The following FCHSD2 variants were observed in gnomAD, a reference collection of about 807,000 sequenced individuals.
FCHSD2 encodes FCH and double SH3 domains 2, also known as F-BAR and double SH3 domains protein 2.
Under a neutral mutation model 108.1 loss-of-function variants are expected in FCHSD2, and 38 were observed. The observed-to-expected ratio is 0.35, with a 90% CI of 0.27 to 0.46. FCHSD2 has a LOEUF of 0.46. FCHSD2 is among the 20% of genes least tolerant of loss of function. FCHSD2 has a pLI of 1.00. For synonymous variants in FCHSD2, 279 were observed against 314.7 expected, an observed-to-expected ratio of 0.89 and a Z score of 1.20; for missense variants, 751 against 897.8, an observed-to-expected ratio of 0.84 and a Z score of 2.09.
intron 13 of FCHSD2, among the ~76,000 whole-genome samples, chr11:72,856,379 T>C (rs753951507): frequency 6.6e-6 from 1 of 152,212 alleles, no homozygotes; most frequent in Non-Finnish European, 1.5e-5. Context: ...TGAGTAATTA[T>C]CACTGAAGTT....
rs72981540 is a variant in FCHSD2, at chr11:72,976,046, C to A, written c.705+8042G>T. On this transcript the variant is annotated intron_variant, in intron 8 of 19. Transcript: ENST00000409418. Reference sequence around the variant, plus strand: ...AACATGTGAGGAACAAATTATCTCACCACAAACCAGCTGAGTTGATTTCTG... The same window carrying A: ...AACATGTGAGGAACAAATTATCTCAACACAAACCAGCTGAGTTGATTTCTG... Among the ~76,000 whole-genome samples the A allele has an allele frequency of 7.7e-3, 1,179 of 152,294 alleles. 13 individuals carry two copies. The highest frequency in any genetic ancestry group is 0.027 in the African/African-American group (1,118 of 41,548).
intron 5 of FCHSD2, among the ~76,000 whole-genome samples, chr11:72,999,906 C>T (rs1052266156): frequency 6.6e-6 from 1 of 151,862 alleles, no homozygotes; most frequent in Non-Finnish European, 1.5e-5. Context: ...CACACACACA[C>T]TTTCTTCCAA....
chr11:73,004,314 T>A (rs940924550), intron 4 of FCHSD2, among the ~76,000 whole-genome samples: 1 of 152,140 alleles, frequency 6.6e-6, no homozygotes, highest in African/African-American at 2.4e-5. Context: ...TTTCTAAGGC[T>A]ACTCACCAGG....
At chr11:73,107,239 G>T (rs567857546) in intron 2 of FCHSD2, among the ~76,000 whole-genome samples, 7 of 152,138 alleles carry the variant, frequency 4.6e-5, no homozygotes, top group African/African-American at 1.7e-4. Flanking sequence ...ATTTTTAGTA[G>T]AGACAGGGTT....
chr11:72,931,180 T>G (rs1856183447), intron 8 of FCHSD2, among the ~76,000 whole-genome samples: 1 of 149,920 alleles, frequency 6.7e-6, no homozygotes, highest in Non-Finnish European at 1.5e-5. Context: ...CTGCAACCTC[T>G]GCCTCCCGGG....
intron 8 of FCHSD2, among the ~76,000 whole-genome samples, chr11:72,923,475 G>T (rs984724708): frequency 6.6e-6 from 1 of 151,822 alleles, no homozygotes; most frequent in African/African-American, 2.4e-5. Flanking sequence ...TTGTATTTTG[G>T]TATTTTTTTT....
At chr11:72,957,019 CT>C (rs76815220) in intron 8 of FCHSD2, among the ~76,000 whole-genome samples, 133,790 of 145,870 alleles carry the variant, frequency 0.92, 61,990 homozygotes, top group East Asian at 1. Flanking sequence ...GGACTCTAGT[CT>C]TTTTTTTTTT....
At chr11:72,958,195 C>T in intron 8 of FCHSD2, among the ~76,000 whole-genome samples, 1 of 152,074 alleles carries the variant, frequency 6.6e-6, no homozygotes, top group East Asian at 1.9e-4. Context: ...CAGAGGAAAA[C>T]CTTTGGAGCT....
chr11:73,139,099 C>T (rs1861187603), intron 2 of FCHSD2, among the ~76,000 whole-genome samples: 1 of 152,008 alleles, frequency 6.6e-6, no homozygotes, highest in South Asian at 2.1e-4. Flanking sequence ...GCTTATAGTG[C>T]CTAAATATAG....
At chr11:72,917,963 C>G (rs1855908282) in intron 9 of FCHSD2, among the ~76,000 whole-genome samples, 1 of 151,826 alleles carries the variant, frequency 6.6e-6, no homozygotes. Flanking sequence ...TTGATAGGGA[C>G]TACATTGAAT....
chr11:72,873,894 C>G (rs1033355466), intron 12 of FCHSD2, among the ~76,000 whole-genome samples: 4 of 152,120 alleles, frequency 2.6e-5, no homozygotes, highest in African/African-American at 9.7e-5. Flanking sequence ...TCAAAAACTG[C>G]CAACTACCTT....
intron 3 of FCHSD2, among the ~76,000 whole-genome samples, chr11:73,041,249 A>G (rs151277201): frequency 3.9e-4 from 59 of 152,310 alleles, no homozygotes; most frequent in African/African-American, 1.3e-3. Context: ...ATATCCAGTA[A>G]TGAGATTGCT....
At position 72,843,569 on chromosome 11, in the gene FCHSD2, G is replaced by A. The variant is rs756055529; in HGVS notation, c.1444-37C>T. On this transcript the variant is annotated intron_variant, in intron 14 of 19. Transcript: ENST00000409418. ...GATGGTCATGGACAAAATTAAAAAGGTTAGATAAGGAGCAGATGTGAGCTG... is the reference window on the plus strand; with the variant it reads ...GATGGTCATGGACAAAATTAAAAAGATTAGATAAGGAGCAGATGTGAGCTG... 4 of 1,461,010 alleles carry A rather than the reference G, an allele frequency of 2.7e-6. No individual in the cohort carries two copies. The African/African-American group carries it at 5.6e-5, about 20-fold the overall frequency. 90.5% of individuals were successfully genotyped at this position (1,461,010 alleles called of 1,614,324 possible). A position where few individuals can be genotyped will look rare whatever the true frequency, so the allele number is the denominator to read the frequency against.
intron 3 of FCHSD2, among the ~76,000 whole-genome samples, chr11:73,078,924 T>G (rs1859618729): frequency 6.6e-6 from 1 of 152,154 alleles, no homozygotes; most frequent in Non-Finnish European, 1.5e-5. Flanking sequence ...CTCATTATGT[T>G]GTCAGGCCGG....
intron 5 of FCHSD2, 124 bp from the exon 6 acceptor site, chr11:72,989,221 A>G: frequency 1.6e-6 from 1 of 632,962 alleles, no homozygotes; most frequent in South Asian, 2.7e-5. Context: ...CAGTACGTTC[A>G]GTGTCCTTCA....
intron 17 of FCHSD2, among the ~76,000 whole-genome samples, chr11:72,841,824 G>C (rs1353133597): frequency 1.3e-5 from 2 of 152,150 alleles, no homozygotes; most frequent in Non-Finnish European, 2.9e-5. Context: ...ATCTTAAACA[G>C]TTATCAAGTG....
chr11:73,013,547 A>G (rs1199937483), intron 4 of FCHSD2, among the ~76,000 whole-genome samples: 1 of 152,260 alleles, frequency 6.6e-6, no homozygotes, highest in Non-Finnish European at 1.5e-5. Flanking sequence ...GAAAGAAAGA[A>G]TAAATGTGTG....
intron 13 of FCHSD2, among the ~76,000 whole-genome samples, chr11:72,851,081 G>A (rs1385955936): frequency 9.0e-6 from 1 of 111,490 alleles, no homozygotes; most frequent in Non-Finnish European, 1.6e-5. Flanking sequence ...CAGCTGGGGC[G>A]ACACAGCGTG....
intron 13 of FCHSD2, among the ~76,000 whole-genome samples, chr11:72,854,935 C>T (rs1279066363): frequency 6.6e-6 from 1 of 151,844 alleles, no homozygotes; most frequent in Non-Finnish European, 1.5e-5. Flanking sequence ...GTCAGGAGTT[C>T]GAGACCAGCC....
Sources: allele counts gnomAD v4.1 joint callset (sites outside exome capture counted in the v4.1 genomes callset), GRCh38; gene constraint gnomAD v4.1.1; transcripts MANE v1.5; gene names NCBI Gene and HGNC (gene_info 2026-07-23, HGNC 2026-07-21).